Variants in RNF17 observed in about 807,000 individuals in gnomAD.
RNF17 encodes the protein spermatogenesis associated 23.
A neutral mutation model predicts 200.5 loss-of-function variants in RNF17; 31 were observed. The ratio of observed to expected loss-of-function variants is 0.15; its 90% CI spans 0.12 to 0.21. The LOEUF (loss-of-function observed/expected upper bound fraction) is 0.21, where lower values mean the gene tolerates loss of function less well. Among genes scored for constraint, RNF17 ranks in the 10% least tolerant of loss-of-function variants. The pLI, the probability that RNF17 is intolerant of heterozygous loss-of-function variation, is 1.00. For synonymous variants in RNF17, 606 were observed against 637.8 expected (o/e 0.95, Z 0.75); for missense variants, 1,628 against 1,905.1 (o/e 0.85, Z 2.71).
At chr13:24,804,952 C>T (rs1885670770) in intron 15 of RNF17, among the ~76,000 whole-genome samples, 2 of 152,112 alleles carry the variant, frequency 1.3e-5, no homozygotes, top group African/African-American at 4.8e-5. Context: ...ACTCATTAAT[C>T]TTTGCAACAA....
At chr13:24,758,682 A>G in the RNF17 span, among the ~76,000 whole-genome samples, 1 of 152,192 alleles carries the variant, frequency 6.6e-6, no homozygotes, top group African/African-American at 2.4e-5. Flanking sequence ...TCTGTGAGCC[A>G]AAGAAGAAAA....
At chr13:24,776,807 C>A (rs1881634630) in intron 3 of RNF17, among the ~76,000 whole-genome samples, 1 of 152,160 alleles carries the variant, frequency 6.6e-6, no homozygotes, top group Middle Eastern at 3.2e-3. Context: ...TGTATTAAGA[C>A]AAACCCAATG....
chr13:24,885,842 A>T, the RNF17 span: 1 of 618,040 alleles, frequency 1.6e-6, no homozygotes, highest in Non-Finnish European at 2.9e-6. Flanking sequence ...ACAGGTACTT[A>T]AGTCCTAGAT....
chr13:24,824,728 T>C (rs1024525827), intron 15 of RNF17, among the ~76,000 whole-genome samples: 1 of 152,236 alleles, frequency 6.6e-6, no homozygotes, highest in Non-Finnish European at 1.5e-5. Context: ...GATAAGATAC[T>C]GGATATTCAT....
At chr13:24,765,926 A>T (rs536566941) in intron 1 of RNF17, among the ~76,000 whole-genome samples, 5 of 152,332 alleles carry the variant, frequency 3.3e-5, no homozygotes, top group Non-Finnish European at 5.9e-5. Flanking sequence ...TAAAGTTTTT[A>T]AAAAATACAA....
intron 3 of RNF17, among the ~76,000 whole-genome samples, chr13:24,776,729 G>T (rs752982979): frequency 6.6e-5 from 10 of 152,178 alleles, no homozygotes; most frequent in Admixed American, 1.3e-4. Flanking sequence ...TGAGGTTTGC[G>T]GTAGATGACG....
intron 15 of RNF17, among the ~76,000 whole-genome samples, chr13:24,809,401 T>C (rs559811432): frequency 3.9e-5 from 6 of 152,242 alleles, no homozygotes; most frequent in Non-Finnish European, 7.3e-5. Context: ...TTTATCCATT[T>C]CTTCTAGATT....
chr13:24,778,659 T>A (rs1230524601), intron 4 of RNF17, among the ~76,000 whole-genome samples: 1 of 152,232 alleles, frequency 6.6e-6, no homozygotes, highest in Non-Finnish European at 1.5e-5. Context: ...TTCTTCCCTT[T>A]GAAACTAGTT....
intron 12 of RNF17, among the ~76,000 whole-genome samples, chr13:24,800,034 A>G (rs1008709575): frequency 6.6e-6 from 1 of 152,178 alleles, no homozygotes; most frequent in Admixed American, 6.5e-5. Context: ...AGTAAGGACC[A>G]GTATTAACCA....
chr13:24,786,306 A>C (rs959731775), intron 6 of RNF17, among the ~76,000 whole-genome samples: 1 of 152,188 alleles, frequency 6.6e-6, no homozygotes. Context: ...ACTGCTTTAC[A>C]AATCTGCCCC....
At chr13:24,835,891 C>T (rs1446658005) in intron 18 of RNF17, among the ~76,000 whole-genome samples, 2 of 151,974 alleles carry the variant, frequency 1.3e-5, no homozygotes, top group Non-Finnish European at 2.9e-5. Context: ...AAGGCGAAGC[C>T]CAATGCAAGG....
At chr13:24,816,313 T>C (rs1887401041) in intron 15 of RNF17, among the ~76,000 whole-genome samples, 2 of 152,170 alleles carry the variant, frequency 1.3e-5, no homozygotes, top group Non-Finnish European at 2.9e-5. Context: ...TTGGCATCCA[T>C]TTTTAGGCCT....
At chr13:24,806,468 C>T (rs147359559) in intron 15 of RNF17, among the ~76,000 whole-genome samples, 15 of 152,308 alleles carry the variant, frequency 9.8e-5, no homozygotes, top group African/African-American at 3.1e-4. Flanking sequence ...CTCCCACCAA[C>T]AATGTAAAAG....
intron 11 of RNF17, 111 bp from the exon 12 acceptor site, chr13:24,799,284 A>G: frequency 1.3e-6 from 1 of 791,066 alleles, no homozygotes. Flanking sequence ...CTATATCATC[A>G]TTAAATAAAC....
At chr13:24,828,841 C>G (rs755509620) in intron 16 of RNF17, among the ~76,000 whole-genome samples, 11 of 150,434 alleles carry the variant, frequency 7.3e-5, no homozygotes, top group Non-Finnish European at 1.5e-5. Flanking sequence ...TGGTCTTACT[C>G]TGTTATCCAG....
chr13:24,783,515 G>A (rs895083100), intron 6 of RNF17, among the ~76,000 whole-genome samples: 2 of 152,108 alleles, frequency 1.3e-5, no homozygotes, highest in African/African-American at 4.8e-5. Flanking sequence ...TCCAATCTAT[G>A]CACATGGGAT....
the RNF17 span, among the ~76,000 whole-genome samples, chr13:24,757,444 C>T: frequency 6.6e-6 from 1 of 152,062 alleles, no homozygotes; most frequent in Non-Finnish European, 1.5e-5. Context: ...CTGCCTCAGC[C>T]TCCTGAGTAG....
Position 24,799,537 on chromosome 13 carries a change from A to C in RNF17, c.1542A>C (p.Gln514His), listed in dbSNP as rs769877143. 6.2e-7 allele frequency: 1 copy of C among 1,610,890 alleles called. No individual in the cohort carries two copies. The highest frequency in any genetic ancestry group is 8.5e-7 in the Non-Finnish European group (1 of 1,178,082). ...TTGTCCATGAAGTTGCACTAATACA[A>C]ATATTCATGGTAGATTTTGGAAATT... Reference protein sequence around the residue: ...RLFVHEVALIQIFMVDFGNSE... With the variant: ...RLFVHEVALIHIFMVDFGNSE... The change falls in exon 12 of 36, where the codon CAA becomes CAC. Residue 514 changes from glutamine to histidine, a missense_variant. Coordinates refer to ENST00000255324, the MANE Select transcript of RNF17 (RefSeq NM_031277.3).
chr13:24,809,686 T>A (rs1886355862), intron 15 of RNF17, among the ~76,000 whole-genome samples: 1 of 152,170 alleles, frequency 6.6e-6, no homozygotes. Context: ...CTGCTAGCTT[T>A]CGAATGTGTT....
Sources: allele counts gnomAD v4.1 joint callset (sites outside exome capture counted in the v4.1 genomes callset), GRCh38; gene constraint gnomAD v4.1.1; transcripts MANE v1.5; gene names NCBI Gene and HGNC (gene_info 2026-07-23, HGNC 2026-07-21).